Variants in RIMKLB observed in about 807,000 individuals in gnomAD.
The protein encoded by RIMKLB is ribosomal modification protein rimK like family member B, also known as beta-citrylglutamate synthase B.
A neutral mutation model predicts 32.0 loss-of-function variants in RIMKLB; 7 were observed. That is an observed-to-expected ratio of 0.22 (90% confidence interval 0.12 to 0.41). The LOEUF is 0.41. RIMKLB is among the 10% of genes least tolerant of loss of function. The pLI is 1.00. For synonymous variants in RIMKLB, 172 were observed against 185.1 expected, an observed-to-expected ratio of 0.93 and a Z score of 0.57; for missense variants, 289 against 498.7, an observed-to-expected ratio of 0.58 and a Z score of 4.00.
At chr12:8,701,645 C>G (rs946018047) in intron 1 of RIMKLB, among the ~76,000 whole-genome samples, 6 of 143,170 alleles carry the variant, frequency 4.2e-5, no homozygotes, top group Non-Finnish European at 9.1e-5. Context: ...CAGGCCTGAT[C>G]TCTTTTTTTT....
upstream of RIMKLB, chr12:8,679,413 ACTC>A (rs1386489283): frequency 1.3e-5 from 2 of 151,672 alleles, no homozygotes; most frequent in Non-Finnish European, 2.9e-5. Flanking sequence ...CTGGTCTTGA[ACTC>A]CTGACTTCAA....
chr12:8,767,598 C>T (rs188669370), intron 5 of RIMKLB, among the ~76,000 whole-genome samples: 82 of 152,226 alleles, frequency 5.4e-4, no homozygotes, highest in African/African-American at 1.8e-3. Flanking sequence ...TAGGGGTGTA[C>T]GCATGGGCAT....
chr12:8,748,782 C>G (rs1191168445), intron 2 of RIMKLB, among the ~76,000 whole-genome samples: 3 of 151,550 alleles, frequency 2.0e-5, no homozygotes, highest in Admixed American at 1.3e-4. Flanking sequence ...ACTAAAAATA[C>G]AAAAAAATTT....
intron 1 of RIMKLB, among the ~76,000 whole-genome samples, chr12:8,682,384 C>G (rs929725668): frequency 6.6e-6 from 1 of 152,176 alleles, no homozygotes; most frequent in African/African-American, 2.4e-5. Flanking sequence ...TAACTAAGAC[C>G]TGTACTTCAT....
intron 2 of RIMKLB, chr12:8,714,273 A>G (rs1252557494): frequency 2.5e-6 from 1 of 396,052 alleles, no homozygotes; most frequent in Non-Finnish European, 4.6e-6. Context: ...GATAAACAAT[A>G]AAACAAAGTA....
upstream of RIMKLB, chr12:8,679,107 G>C: frequency 6.5e-6 from 1 of 153,328 alleles, no homozygotes; most frequent in Non-Finnish European, 1.5e-5. Context: ...GTGAATTGAA[G>C]AGCAAACCAA....
At chr12:8,756,585 A>T (rs912764369) in intron 5 of RIMKLB, among the ~76,000 whole-genome samples, 1 of 152,162 alleles carries the variant, frequency 6.6e-6, no homozygotes, top group Non-Finnish European at 1.5e-5. Flanking sequence ...ATATATTGAT[A>T]AGTATGAAAT....
intron 1 of RIMKLB, among the ~76,000 whole-genome samples, chr12:8,682,721 G>A (rs1489679317): frequency 6.7e-6 from 1 of 150,366 alleles, no homozygotes; most frequent in Non-Finnish European, 1.5e-5. Context: ...GCAGTGAGCC[G>A]AGATCGCGCC....
chr12:8,763,577 G>A (rs893553082), intron 5 of RIMKLB, among the ~76,000 whole-genome samples: 1 of 152,352 alleles, frequency 6.6e-6, no homozygotes, highest in African/African-American at 2.4e-5. Context: ...CTCGCTGAGC[G>A]CCTTGGTGCT....
At chr12:8,697,858 C>T (rs1361541144), upstream of RIMKLB, 3 of 146,206 alleles carry the variant, frequency 2.1e-5, no homozygotes, top group Admixed American at 6.8e-5. Context: ...CCCGCCGCGC[C>T]GCGGCGCCAG....
chr12:8,741,291 T>A (rs1565601407), intron 2 of RIMKLB, among the ~76,000 whole-genome samples: 1 of 150,962 alleles, frequency 6.6e-6, no homozygotes, highest in Non-Finnish European at 1.5e-5. Flanking sequence ...GGCAGGAGAT[T>A]CACTTGAGCC....
intron 2 of RIMKLB, among the ~76,000 whole-genome samples, chr12:8,740,571 CGTAA>C (rs1287442866): frequency 2.0e-5 from 3 of 152,196 alleles, no homozygotes; most frequent in African/African-American, 4.8e-5. Context: ...AGCTCTCACT[CGTAA>C]GTGAGAACAT....
chr12:8,743,377 A>T (rs1340840275), intron 2 of RIMKLB, among the ~76,000 whole-genome samples: 4 of 150,030 alleles, frequency 2.7e-5, no homozygotes, highest in Non-Finnish European at 5.9e-5. Context: ...AAAAAAAAAA[A>T]TTCCGGAAGT....
intron 3 of RIMKLB, among the ~76,000 whole-genome samples, chr12:8,751,506 G>T (rs1948618757): frequency 6.6e-6 from 1 of 152,194 alleles, no homozygotes; most frequent in Non-Finnish European, 1.5e-5. Context: ...AAAAATTGGT[G>T]TGTGTGTGTT....
chr12:8,748,675 G>T (rs1039645278), intron 2 of RIMKLB, among the ~76,000 whole-genome samples: 6 of 151,360 alleles, frequency 4.0e-5, no homozygotes, highest in Admixed American at 6.6e-5. Context: ...CGGCCGTGGT[G>T]GCTCATGCCT....
chr12:8,770,461 C>T (rs753683062), intron 5 of RIMKLB, among the ~76,000 whole-genome samples: 2 of 152,102 alleles, frequency 1.3e-5, no homozygotes, highest in Non-Finnish European at 2.9e-5. Context: ...TGTCTTTATC[C>T]ACTTAAAATG....
rs1451382832 is a variant in RIMKLB at position 8,776,899 on chromosome 12, A to AG, written c.*3116dup. 1.0e-5 allele frequency: 10 copies of AG among 985,694 alleles called. No individual in the cohort carries two copies. In the African/African-American group the frequency reaches 1.6e-4, roughly 16 times the overall value. The allele number at this position is 985,694 out of a possible 1,614,324, so 61.1% of individuals were successfully genotyped here. On this transcript the variant is annotated 3_prime_UTR_variant, in exon 6 of 6. Coordinates refer to ENST00000535829, the MANE Select transcript of RIMKLB (RefSeq NM_001297776.2). ...CTTTTTCTCAAGAAGAAAGCAATGG[A>AG]GAAGCAAATTTGTTTCATTCAGTGA...
At chr12:8,755,202 C>T (rs1043450144) in intron 5 of RIMKLB, among the ~76,000 whole-genome samples, 47 of 152,210 alleles carry the variant, frequency 3.1e-4, no homozygotes, top group African/African-American at 1.1e-3. Flanking sequence ...ATGCCTGCCT[C>T]GGCCTCCCAG....
At chr12:8,671,475 C>A in the RIMKLB span, among the ~76,000 whole-genome samples, 2,019 of 152,214 alleles carry the variant, frequency 0.013, 33 homozygotes, top group African/African-American at 0.045. Flanking sequence ...TTCTTGAACT[C>A]CCAACCTCAG....
Sources: gnomAD v4.1 joint callset for allele counts (sites outside exome capture counted in the v4.1 genomes callset) on GRCh38, gnomAD v4.1.1 for gene constraint, MANE v1.5 for transcripts, NCBI Gene and HGNC (gene_info 2026-07-23, HGNC 2026-07-21) for gene names.